Variants in SCNN1B observed in about 807,000 individuals in gnomAD.
The protein encoded by SCNN1B is epithelial sodium channel subunit beta.
SCNN1B carries 46 observed loss-of-function variants against 65.3 expected under a neutral mutation model. The ratio of observed to expected loss-of-function variants is 0.70; its 90% CI spans 0.56 to 0.90. The LOEUF (loss-of-function observed/expected upper bound fraction) is 0.90. Ranked by LOEUF, SCNN1B falls within the 40% of genes least tolerant of loss-of-function variation. SCNN1B has a pLI of 0.00. For missense variants in SCNN1B, 751 were observed against 830.5 expected (o/e 0.90, Z 1.18); for synonymous variants, 349 against 330.6 (o/e 1.06, Z -0.60).
At chr16:23,359,709 AC>A (rs145569409) in intron 4 of SCNN1B, among the ~76,000 whole-genome samples, 3,935 of 152,210 alleles carry the variant, frequency 0.026, 196 homozygotes, top group African/African-American at 0.091. Flanking sequence ...GGACCCCAAC[AC>A]CAAACTGCCT....
chr16:23,367,149 C>A (rs916278906), intron 4 of SCNN1B, among the ~76,000 whole-genome samples: 4 of 152,158 alleles, frequency 2.6e-5, no homozygotes, highest in Non-Finnish European at 5.9e-5. Context: ...GACCTCATCT[C>A]GAGATCCTTA....
At chr16:23,363,357 C>G (rs1962589656) in intron 4 of SCNN1B, among the ~76,000 whole-genome samples, 1 of 152,182 alleles carries the variant, frequency 6.6e-6, no homozygotes, top group Admixed American at 6.5e-5. Flanking sequence ...CCAAAGCTCA[C>G]CAGCTGCTAA....
At chr16:23,303,975 T>A (rs1437379328) in intron 1 of SCNN1B, 1 of 1,010,284 alleles carries the variant, frequency 9.9e-7, no homozygotes, top group Non-Finnish European at 1.5e-6. Flanking sequence ...TTCTGCAACT[T>A]GAGCCCTCTC....
intron 10 of SCNN1B, among the ~76,000 whole-genome samples, chr16:23,377,976 A>G (rs1428329186): frequency 6.6e-6 from 1 of 152,168 alleles, no homozygotes; most frequent in Non-Finnish European, 1.5e-5. Flanking sequence ...GGAGAGAGTA[A>G]CTGCGGGAAA....
chr16:23,373,249 G>T (rs1438492019), intron 7 of SCNN1B, among the ~76,000 whole-genome samples: 1 of 152,126 alleles, frequency 6.6e-6, no homozygotes, highest in Non-Finnish European at 1.5e-5. Flanking sequence ...CTCCCTAGTA[G>T]CCAGGACCAC....
Position 23,379,752 on chromosome 16 carries a change from G to A in SCNN1B, c.1467-342G>A, listed in dbSNP as rs545036448. ...GGGCTGTCCCAGGCCAGAGTGTCCT[G>A]TAGGGAACTGGTAGTCAGGGGATGG... On this transcript the variant is annotated intron_variant, in intron 11 of 12. Transcript: ENST00000343070. Among the ~76,000 whole-genome samples, 14 of 152,342 alleles carry A rather than the reference G, an allele frequency of 9.2e-5. No individual in the cohort carries two copies. The South Asian group carries it at 1.2e-3, about 14-fold the overall frequency.
At chr16:23,318,790 C>T (rs914063548) in intron 1 of SCNN1B, among the ~76,000 whole-genome samples, 3 of 152,136 alleles carry the variant, frequency 2.0e-5, no homozygotes, top group East Asian at 1.9e-4. Context: ...AAAGGTGGGG[C>T]GCAGAGTCAC....
At chr16:23,361,274 C>A (rs990370386) in intron 4 of SCNN1B, among the ~76,000 whole-genome samples, 1 of 152,148 alleles carries the variant, frequency 6.6e-6, no homozygotes, top group African/African-American at 2.4e-5. Flanking sequence ...TACAGAAAAA[C>A]CACAGCCTCC....
At chr16:23,326,873 T>C (rs8050023) in intron 1 of SCNN1B, among the ~76,000 whole-genome samples, 5,405 of 152,198 alleles carry the variant, frequency 0.036, 310 homozygotes, top group African/African-American at 0.12. Context: ...GTGTACAGCG[T>C]ACCCATTAGG....
intron 5 of SCNN1B, 125 bp from the exon 6 acceptor site, chr16:23,371,174 G>C: frequency 9.6e-7 from 1 of 1,044,692 alleles, no homozygotes; most frequent in East Asian, 2.6e-5. Flanking sequence ...TTGCAAAGTG[G>C]AGCCAGCCTC....
chr16:23,373,451 T>C lies in SCNN1B; in HGVS notation c.1152+1568T>C, dbSNP rs183919132. Among the ~76,000 whole-genome samples, 132 of 152,302 alleles carry C rather than the reference T, an allele frequency of 8.7e-4. 4 individuals carry two copies. In the South Asian group the frequency reaches 0.025, roughly 29 times the overall value. ...TGGAAGTCCCTCTTTGCATCTGCCT[T>C]CAATCCCCCTTGCTGTAGCTGGAGG... is the stretch of plus-strand genomic sequence containing the variant. On this transcript the variant is annotated intron_variant, in intron 7 of 12. Coordinates refer to ENST00000343070, the MANE Select transcript of SCNN1B (RefSeq NM_000336.3).
chr16:23,373,441 G>GCAT, intron 7 of SCNN1B, among the ~76,000 whole-genome samples: 1 of 152,184 alleles, frequency 6.6e-6, no homozygotes, highest in East Asian at 1.9e-4. Context: ...GTCCCTCTTT[G>GCAT]CATCTGCCTT....
chr16:23,296,460 T>C (rs1960998082), intron 2 of SCNN1B, among the ~76,000 whole-genome samples: 2 of 152,184 alleles, frequency 1.3e-5, no homozygotes, highest in South Asian at 4.1e-4. Context: ...GGCTGTCAGT[T>C]TGCAACTGTG....
In SCNN1B at chr16:23,348,495, G is replaced by T; in HGVS notation, c.-8-97G>T. 2 of 1,092,138 alleles carry T rather than the reference G, an allele frequency of 1.8e-6. No individual in the cohort carries two copies. The highest frequency in any genetic ancestry group is 2.5e-5 in the East Asian group (1 of 39,216). The allele number at this position is 1,092,138 out of a possible 1,614,324, so 67.7% of individuals were successfully genotyped here. ...GGGAGGGTAAAGAGGGAGGAAGAAC[G>T]GGGACGTACCGCCGCCCAGTTCCTG... On this transcript the variant is annotated intron_variant, in intron 1 of 12. Coordinates refer to ENST00000343070, the MANE Select transcript of SCNN1B (RefSeq NM_000336.3). This position sits in a 1 kb window ranked among gnomAD's most constrained non-coding sequence, Gnocchi z 4.5.
intron 1 of SCNN1B, among the ~76,000 whole-genome samples, chr16:23,335,876 T>C (rs978984211): frequency 2.6e-5 from 4 of 152,216 alleles, no homozygotes; most frequent in African/African-American, 9.6e-5. Flanking sequence ...ACCTGTATCT[T>C]AGAGGGCTGT....
In SCNN1B at chr16:23,367,968, T is replaced by C; in HGVS notation, c.880+9T>C. The C allele has an allele frequency of 6.3e-7, 1 of 1,594,906 alleles. No individual in the cohort carries two copies. Among genetic ancestry groups the C allele is most frequent in the Non-Finnish European group, 8.6e-7 (1 of 1,162,576 alleles). On this transcript the variant is annotated intron_variant, in intron 5 of 12. Transcript: ENST00000343070. ...CCCTGGAACTGAATTCGGTGAGTTT[T>C]GGTTTATCGTGGGGCCAGAGCCATG...
intron 4 of SCNN1B, among the ~76,000 whole-genome samples, chr16:23,360,406 CG>C (rs1418804362): frequency 6.6e-6 from 1 of 151,448 alleles, no homozygotes; most frequent in African/African-American, 2.4e-5. Flanking sequence ...AAAATTAGCC[CG>C]GCGTGGTGGT....
In SCNN1B at chr16:23,378,777, A is replaced by C. The variant is rs199745739; in HGVS notation, c.1466+10A>C. On this transcript the variant is annotated intron_variant, in intron 11 of 12. Coordinates refer to ENST00000343070, the MANE Select transcript of SCNN1B (RefSeq NM_000336.3). ...ATATCACCCTGAGCAGGTGAGCCTG[A>C]GCCTGGGCGGGGCTGGGGAAGACAG... is the stretch of plus-strand genomic sequence containing the variant. 13 of 1,613,894 alleles carry C rather than the reference A, an allele frequency of 8.1e-6. No homozygotes were observed. Among genetic ancestry groups the C allele is most frequent in the Middle Eastern group, 3.3e-4 (2 of 6,060 alleles).
intron 1 of SCNN1B, among the ~76,000 whole-genome samples, chr16:23,308,604 ATTTAT>A (rs137909277): frequency 0.034 from 5,119 of 152,154 alleles, 267 homozygotes; most frequent in African/African-American, 0.12. Flanking sequence ...GCAATCTGTA[ATTTAT>A]TTTATTTTAT....
Sources: allele counts gnomAD v4.1 joint callset (sites outside exome capture counted in the v4.1 genomes callset), GRCh38; gene constraint gnomAD v4.1.1; non-coding constraint Gnocchi (gnomAD v3.1); transcripts MANE v1.5; gene names NCBI Gene and HGNC (gene_info 2026-07-23, HGNC 2026-07-21).